ATP2B1: variants seen among roughly 807,000 people sequenced by gnomAD.
ATP2B1 encodes the protein plasma membrane calcium-transporting ATPase 1.
ATP2B1 carries 14 observed loss-of-function variants against 124.2 expected under a neutral mutation model. That is an observed-to-expected ratio of 0.11 (90% CI 0.07 to 0.18). ATP2B1 has a LOEUF of 0.18. Ranked by LOEUF, ATP2B1 falls within the 10% of genes least tolerant of loss-of-function variation. The pLI, the probability that ATP2B1 is intolerant of heterozygous loss-of-function variation, is 1.00. For missense variants in ATP2B1, 763 were observed against 1,466.1 expected, an observed-to-expected ratio of 0.52 and a Z score of 7.83; for synonymous variants, 449 against 492.4, an observed-to-expected ratio of 0.91 and a Z score of 1.17.
At chr12:89,671,908 A>C (rs1173931381) in intron 1 of ATP2B1, among the ~76,000 whole-genome samples, 1 of 151,782 alleles carries the variant, frequency 6.6e-6, no homozygotes, top group Non-Finnish European at 1.5e-5. Context: ...TAAGTTTCAG[A>C]CTCTTTACTA....
At chr12:89,693,687 T>C (rs1890800606) in intron 1 of ATP2B1, among the ~76,000 whole-genome samples, 1 of 152,244 alleles carries the variant, frequency 6.6e-6, no homozygotes, top group Non-Finnish European at 1.5e-5. Context: ...ACAGTCTTTC[T>C]AGTTTCTGAA....
rs549929736 is a variant in ATP2B1, at chr12:89,658,625, G to T, written c.-221-2518C>A. On this transcript the variant is annotated intron_variant, in intron 1 of 20. Coordinates refer to ENST00000428670, the MANE Select transcript of ATP2B1 (RefSeq NM_001366521.1). ...AGAGAGAGAGAGAGAGAGAGAGAGA[G>T]AGAGAGAGAGAGAGAGAGAGAGATA... 5.0e-4 allele frequency among the ~76,000 whole-genome samples: 76 copies of T among 150,944 alleles called. 1 individual carries two copies. The South Asian group carries it at 0.015, about 30-fold the overall frequency.
Position 89,658,641 on chromosome 12 carries a change from G to GAGAGAGAGAGAGAT in ATP2B1, c.-221-2535_-221-2534insATCTCTCTCTCTCT, listed in dbSNP as rs1565882748. Reference sequence around the variant, plus strand: ...AGAGAGAGAGAGAGAGAGAGAGAGAGAGAGAGATAGAGATAGCATGTGGCT... The same window carrying GAGAGAGAGAGAGAT: ...AGAGAGAGAGAGAGAGAGAGAGAGAGAGAGAGAGAGAGATAGAGAGATAGAGATAGCATGTGGCT... On this transcript the variant is annotated intron_variant, in intron 1 of 20. Coordinates refer to ENST00000428670, the MANE Select transcript of ATP2B1 (RefSeq NM_001366521.1). 7.3e-5 allele frequency among the ~76,000 whole-genome samples: 11 copies of GAGAGAGAGAGAGAT among 150,330 alleles called. No homozygotes were observed. The East Asian group carries it at 2.2e-3, about 30-fold the overall frequency.
At chr12:89,627,849 T>C (rs754227737) in intron 6 of ATP2B1, 133 bp from the exon 7 acceptor site, 2 of 996,546 alleles carry the variant, frequency 2.0e-6, no homozygotes, top group Non-Finnish European at 3.0e-6. Flanking sequence ...TAGAAAACAT[T>C]TGACTTGTGA....
chr12:89,669,209 C>A (rs1887651569), intron 1 of ATP2B1, among the ~76,000 whole-genome samples: 1 of 152,136 alleles, frequency 6.6e-6, no homozygotes, highest in African/African-American at 2.4e-5. Context: ...GCAGGATGGT[C>A]TTGTTCATTT....
chr12:89,674,479 A>G (rs1888381926), intron 1 of ATP2B1, among the ~76,000 whole-genome samples: 2 of 152,182 alleles, frequency 1.3e-5, no homozygotes, highest in Admixed American at 6.6e-5. Flanking sequence ...CACATCTCAA[A>G]GTACTACCTC....
chr12:89,598,479 G>T, intron 20 of ATP2B1: 1 of 1,295,748 alleles, frequency 7.7e-7, no homozygotes, highest in Non-Finnish European at 1.1e-6. Context: ...CGAAAAGAAA[G>T]CTTTATGAAA....
At chr12:89,656,621 C>T (rs1565880317) in intron 1 of ATP2B1, among the ~76,000 whole-genome samples, 1 of 152,018 alleles carries the variant, frequency 6.6e-6, no homozygotes, top group Non-Finnish European at 1.5e-5. Flanking sequence ...TGGAATAGCC[C>T]CTGAAAGGAC....
chr12:89,634,939 C>A (rs1346432623), intron 4 of ATP2B1, 36 bp from the exon 5 acceptor site: 5 of 1,610,040 alleles, frequency 3.1e-6, no homozygotes, highest in Non-Finnish European at 4.2e-6. Context: ...AACTTATAAA[C>A]AAGATTACAG....
At chr12:89,605,712 A>T (rs1345869293) in intron 15 of ATP2B1, among the ~76,000 whole-genome samples, 1 of 152,212 alleles carries the variant, frequency 6.6e-6, no homozygotes, top group Non-Finnish European at 1.5e-5. Context: ...AAAGAAGATG[A>T]TGCCACTGAA....
chr12:89,612,015 C>A (rs1483657563), intron 12 of ATP2B1: 1 of 152,116 alleles, frequency 6.6e-6, no homozygotes, highest in South Asian at 2.1e-4. Flanking sequence ...GCTCTCTTAT[C>A]CTACATCCTT....
chr12:89,670,690 C>G (rs1887853367), intron 1 of ATP2B1, among the ~76,000 whole-genome samples: 1 of 152,078 alleles, frequency 6.6e-6, no homozygotes, highest in African/African-American at 2.4e-5. Context: ...TGCTTATGTC[C>G]TAGAATATAA....
chr12:89,618,421 A>G (rs923020318), intron 11 of ATP2B1, among the ~76,000 whole-genome samples: 1 of 152,254 alleles, frequency 6.6e-6, no homozygotes, highest in African/African-American at 2.4e-5. Context: ...CCCCATATCC[A>G]GAAGCTAGTT....
intron 15 of ATP2B1, among the ~76,000 whole-genome samples, chr12:89,606,545 T>C (rs918311800): frequency 1.3e-5 from 2 of 151,380 alleles, no homozygotes; most frequent in Admixed American, 1.3e-4. Flanking sequence ...CAGCTCCCAA[T>C]GTGAATATTT....
chr12:89,608,304 G>T (rs1877351464), intron 15 of ATP2B1, among the ~76,000 whole-genome samples: 1 of 151,908 alleles, frequency 6.6e-6, no homozygotes, highest in Non-Finnish European at 1.5e-5. Context: ...AAGTAGTTGG[G>T]ATTACAGGCG....
At position 89,624,317 on chromosome 12, in the gene ATP2B1, A is replaced by G; in HGVS notation, c.1210T>C (p.Trp404Arg). 6.2e-7 allele frequency: 1 copy of G among 1,614,186 alleles called. No individual in the cohort carries two copies. The highest frequency in any genetic ancestry group is 1.1e-5 in the South Asian group (1 of 91,092). ...TAAATTGGTGTGCACTCAGCAAGCC[A>G]TGGTCTTTTCTGAACCCAGAAGGTG... ...IDTFWVQKRP[W>R]LAECTPIYIQ... Residue 404 changes from tryptophan to arginine, a missense_variant, in exon 9 of 21, where the codon TGG becomes CGG. By Grantham distance (101) the Trp-to-Arg change is moderately radical (BLOSUM62 -3). Coordinates refer to ENST00000428670, the MANE Select transcript of ATP2B1 (RefSeq NM_001366521.1).
chr12:89,599,986 G>C (rs1241838789), intron 19 of ATP2B1, among the ~76,000 whole-genome samples: 1 of 152,090 alleles, frequency 6.6e-6, no homozygotes, highest in Non-Finnish European at 1.5e-5. Context: ...AGAACTTCTA[G>C]TACACCCACC....
At chr12:89,698,375 C>G (rs1891420560) in intron 1 of ATP2B1, among the ~76,000 whole-genome samples, 1 of 151,854 alleles carries the variant, frequency 6.6e-6, no homozygotes, top group Admixed American at 6.6e-5. Flanking sequence ...AATGTCAGAC[C>G]AAAAAAGAAC....
rs766670116 is a variant in ATP2B1 at position 89,601,382 on chromosome 12, T to C, written c.3112A>G (p.Ile1038Val). 19 of 1,577,068 alleles carry C rather than the reference T, an allele frequency of 1.2e-5. No individual in the cohort carries two copies. The highest frequency in any genetic ancestry group is 1.7e-4 in the Middle Eastern group (1 of 5,966). The change falls in exon 19 of 21, where the codon ATA becomes GTA. Residue 1038 changes from isoleucine (I) to valine (V), a missense_variant. Transcript: ENST00000428670. ...GKPFSCSELS[I>V]EQWLWSIFLG... is the part of the protein sequence containing the mutation. ...AATATTGACCATAGCCACTGTTCTATTGAAAGTTCTGAACAACTGAAAGGT... is the reference window on the plus strand; with the variant it reads ...AATATTGACCATAGCCACTGTTCTACTGAAAGTTCTGAACAACTGAAAGGT...
Sources: allele counts gnomAD v4.1 joint callset (sites outside exome capture counted in the v4.1 genomes callset), GRCh38; gene constraint gnomAD v4.1.1; transcripts MANE v1.5; gene names NCBI Gene and HGNC (gene_info 2026-07-23, HGNC 2026-07-21).